Variants in LONP2 observed in about 807,000 individuals in gnomAD.
LONP2 encodes the protein lon protease homolog 2, peroxisomal.
A neutral mutation model predicts 85.6 loss-of-function variants in LONP2; 60 were observed. The ratio of observed to expected loss-of-function variants is 0.70; its 90% CI spans 0.57 to 0.87. The LOEUF is 0.87. LONP2 is among the 40% of genes least tolerant of loss of function. LONP2 has a pLI of 0.00. For synonymous variants in LONP2, 395 were observed against 389.7 expected (o/e 1.01, Z -0.16); for missense variants, 860 against 1,063.5 (o/e 0.81, Z 2.66).
At position 48,251,715 on chromosome 16, in the gene LONP2, C is replaced by T. The variant is rs139611321; in HGVS notation, c.234-416C>T. ...GTTAGTAGCACAACTGGTGTTGGAA[C>T]GGAGATTTCTTAGATTGGTTTATGC... On this transcript the variant is annotated intron_variant, in intron 1 of 14. Coordinates refer to ENST00000285737, the MANE Select transcript of LONP2 (RefSeq NM_031490.5). Among the ~76,000 whole-genome samples, 286 of 152,176 alleles carry T rather than the reference C, an allele frequency of 1.9e-3. 1 individual carries two copies. The highest frequency in any genetic ancestry group is 6.6e-3 in the African/African-American group (272 of 41,522).
intron 8 of LONP2, among the ~76,000 whole-genome samples, chr16:48,284,111 G>C (rs1972387457): frequency 6.6e-6 from 1 of 152,124 alleles, no homozygotes; most frequent in Non-Finnish European, 1.5e-5. Context: ...GCAATCTCAT[G>C]GTAAAACTTG....
intron 8 of LONP2, among the ~76,000 whole-genome samples, chr16:48,294,572 T>C (rs1338296881): frequency 1.3e-5 from 2 of 151,936 alleles, no homozygotes; most frequent in African/African-American, 4.8e-5. Flanking sequence ...TTGAGACCAA[T>C]CTGGCCAACA....
chr16:48,359,550 T>C (rs1235398781), downstream of LONP2, among the ~76,000 whole-genome samples: 1 of 152,002 alleles, frequency 6.6e-6, no homozygotes, highest in African/African-American at 2.4e-5. Flanking sequence ...ACCCCGTCTC[T>C]ACTAAAAATA....
intron 12 of LONP2, chr16:48,343,829 G>A (rs1959889239): frequency 6.6e-6 from 1 of 151,962 alleles, no homozygotes; most frequent in African/African-American, 2.4e-5. Context: ...TCATTTCATG[G>A]AACAAGATTT....
chr16:48,249,585 T>C (rs1177091206), intron 1 of LONP2, among the ~76,000 whole-genome samples: 3 of 152,164 alleles, frequency 2.0e-5, no homozygotes, highest in Admixed American at 2.0e-4. Flanking sequence ...TTAAAAGGGA[T>C]GTATTCTAGG....
chr16:48,330,109 A>G (rs753573930), intron 11 of LONP2, among the ~76,000 whole-genome samples: 2 of 152,232 alleles, frequency 1.3e-5, no homozygotes, highest in African/African-American at 2.4e-5. Flanking sequence ...TACTTTTTTT[A>G]ACATTGACCT....
chr16:48,258,102 CT>C (rs1340331673), intron 3 of LONP2, among the ~76,000 whole-genome samples: 1 of 152,170 alleles, frequency 6.6e-6, no homozygotes, highest in African/African-American at 2.4e-5. Context: ...AATCCCAACA[CT>C]TTGGGAGGCC....
intron 11 of LONP2, among the ~76,000 whole-genome samples, chr16:48,325,068 G>C (rs912519746): frequency 4.6e-5 from 7 of 152,194 alleles, no homozygotes; most frequent in Non-Finnish European, 1.0e-4. Context: ...GTTTTTCCAC[G>C]GACCTGTGGG....
At position 48,252,155 on chromosome 16, in the gene LONP2, T is replaced by G; in HGVS notation, c.258T>G (p.Val86=). The part of the protein sequence containing the change: ...LHRIGTAALA[V]QVVGSNWPKP... ...GGATTGGCACAGCTGCACTGGCCGT[T>G]CAGGTTGTGGGCAGTAACTGGCCCA... Residue 86 remains valine (V), a synonymous_variant, in exon 2 of 15, where the codon GTT becomes GTG. Transcript: ENST00000285737. 6.3e-7 allele frequency: 1 copy of G among 1,599,920 alleles called. No homozygotes were observed. The highest frequency in any genetic ancestry group is 8.5e-7 in the Non-Finnish European group (1 of 1,170,544).
intron 10 of LONP2, among the ~76,000 whole-genome samples, chr16:48,300,321 G>T (rs1385409123): frequency 1.3e-5 from 2 of 152,180 alleles, no homozygotes; most frequent in Non-Finnish European, 1.5e-5. Context: ...AATAGAGAAG[G>T]TGCCTTCCCA....
intron 11 of LONP2, among the ~76,000 whole-genome samples, chr16:48,304,738 T>C (rs1281055414): frequency 6.6e-6 from 1 of 152,120 alleles, no homozygotes; most frequent in Non-Finnish European, 1.5e-5. Context: ...TAAAATGTTT[T>C]AATTTCTTGC....
rs1960298476 is a variant in LONP2 at position 48,355,251 on chromosome 16, G to A, written c.*3449G>A. On this transcript the variant is annotated 3_prime_UTR_variant, in exon 15 of 15. Coordinates refer to ENST00000285737, the MANE Select transcript of LONP2 (RefSeq NM_031490.5). ...AAGCAACCACCAACGTGATAGGTGA[G>A]GCTTTAGGAGGTGATTATGTCATGA... 6.6e-6 allele frequency: 1 copy of A among 152,094 alleles called. No individual in the cohort carries two copies. The highest frequency in any genetic ancestry group is 1.5e-5 in the Non-Finnish European group (1 of 68,018). 9.4% of individuals were successfully genotyped at this position (152,094 alleles called of 1,614,324 possible).
chr16:48,270,213 C>G lies in LONP2; in HGVS notation c.1180C>G (p.Arg394Gly), dbSNP rs138063058. The G allele has an allele frequency of 6.2e-7, 1 of 1,613,934 alleles. No individual in the cohort carries two copies. Among genetic ancestry groups the G allele is most frequent in the Non-Finnish European group, 8.5e-7 (1 of 1,179,910 alleles). The change falls in exon 7 of 15, where the codon CGA becomes GGA. Residue 394 changes from arginine (R) to glycine (G), a missense_variant. By Grantham distance (125) the Arg-to-Gly change is moderately radical (BLOSUM62 -2). Transcript: ENST00000285737. ...AAGATCAGTGGCCAAGACTCTAGGT[C>G]GAGAGTTCCACAGGATTGCACTTGG... is the stretch of plus-strand genomic sequence containing the variant. ...VGRSVAKTLG[R>G]EFHRIALGGV... is the part of the protein sequence containing the mutation.
intron 11 of LONP2, among the ~76,000 whole-genome samples, chr16:48,305,310 G>A (rs1004503567): frequency 6.6e-6 from 1 of 151,926 alleles, no homozygotes; most frequent in African/African-American, 2.4e-5. Context: ...GCTGGACTGC[G>A]GTGGCACAAT....
chr16:48,270,837 G>A (rs999925658), intron 7 of LONP2, among the ~76,000 whole-genome samples: 4 of 152,142 alleles, frequency 2.6e-5, no homozygotes, highest in African/African-American at 9.7e-5. Context: ...TGTAAGAACT[G>A]TCCCTCTAGG....
intron 11 of LONP2, among the ~76,000 whole-genome samples, chr16:48,324,480 C>T (rs773034311): frequency 6.6e-6 from 1 of 152,220 alleles, no homozygotes; most frequent in Non-Finnish European, 1.5e-5. Context: ...CCTACTCCAT[C>T]AGCTTGCAAG....
intron 14 of LONP2, among the ~76,000 whole-genome samples, chr16:48,350,016 G>A (rs1960089803): frequency 6.6e-6 from 1 of 152,194 alleles, no homozygotes; most frequent in Non-Finnish European, 1.5e-5. Flanking sequence ...ACTTTGGGAG[G>A]CTAAACAGGA....
chr16:48,309,787 C>G (rs749834221), intron 11 of LONP2, among the ~76,000 whole-genome samples: 1 of 151,954 alleles, frequency 6.6e-6, no homozygotes, highest in Non-Finnish European at 1.5e-5. Flanking sequence ...GAGAATGTCC[C>G]ATGTGCTAAT....
At chr16:48,293,975 C>T (rs188560495) in intron 8 of LONP2, among the ~76,000 whole-genome samples, 139 of 152,304 alleles carry the variant, frequency 9.1e-4, no homozygotes, top group African/African-American at 3.2e-3. Flanking sequence ...TTCACTCTGT[C>T]GCCCACGCTG....
Sources: allele counts gnomAD v4.1 joint callset (sites outside exome capture counted in the v4.1 genomes callset), GRCh38; gene constraint gnomAD v4.1.1; transcripts MANE v1.5; gene names NCBI Gene and HGNC (gene_info 2026-07-23, HGNC 2026-07-21).